Variants in DLGAP1 observed in about 807,000 individuals in gnomAD.
DLGAP1 encodes DLG associated protein 1.
A neutral mutation model predicts 90.8 loss-of-function variants in DLGAP1; 11 were observed. The ratio of observed to expected loss-of-function variants is 0.12; its 90% CI spans 0.08 to 0.20. The LOEUF is 0.20. Ranked by LOEUF, DLGAP1 falls within the 10% of genes least tolerant of loss-of-function variation. The pLI is 1.00. For synonymous variants in DLGAP1, 558 were observed against 540.7 expected, an observed-to-expected ratio of 1.03 and a Z score of -0.44; for missense variants, 1,050 against 1,333.8, an observed-to-expected ratio of 0.79 and a Z score of 3.31.
intron 4 of DLGAP1, chr18:3,874,798 C>G (rs1252639640): frequency 2.9e-6 from 4 of 1,371,998 alleles, no homozygotes; most frequent in Non-Finnish European, 3.8e-6. Context: ...TTAAAAATAA[C>G]AATATTGGAA....
In DLGAP1 at chr18:3,793,689, C is replaced by T. The variant is rs139311545; in HGVS notation, c.1172+20370G>A. Among the ~76,000 whole-genome samples, 460 of 152,240 alleles carry T rather than the reference C, an allele frequency of 3.0e-3. 3 individuals carry two copies. Among genetic ancestry groups the T allele is most frequent in the African/African-American group, 0.01 (421 of 41,524 alleles). ...TCTTTGCGCTCTCTGCTGTGGCCAC[C>T]CCTGCTCTCCTGCATGGCCTCCTGC... On this transcript the variant is annotated intron_variant, in intron 5 of 12. Coordinates refer to ENST00000315677, the MANE Select transcript of DLGAP1 (RefSeq NM_004746.4).
At chr18:3,620,162 G>A (rs2058042724) in intron 7 of DLGAP1, among the ~76,000 whole-genome samples, 2 of 152,102 alleles carry the variant, frequency 1.3e-5, no homozygotes, top group Admixed American at 1.3e-4. Flanking sequence ...CAAAGTCATC[G>A]TGAGGTCCTT....
intron 10 of DLGAP1, among the ~76,000 whole-genome samples, chr18:3,519,156 G>A (rs895594874): frequency 3.3e-5 from 5 of 152,132 alleles, no homozygotes; most frequent in African/African-American, 4.8e-5. Context: ...CATTCAATCA[G>A]AGCCTTGCTC....
chr18:3,702,633 G>A (rs2061318698), intron 7 of DLGAP1, among the ~76,000 whole-genome samples: 1 of 152,166 alleles, frequency 6.6e-6, no homozygotes, highest in Non-Finnish European at 1.5e-5. Flanking sequence ...CATCTTAGAA[G>A]TAATCAGATA....
chr18:4,167,900 A>G (rs1449853432), intron 1 of DLGAP1, among the ~76,000 whole-genome samples: 1 of 152,228 alleles, frequency 6.6e-6, no homozygotes, highest in Admixed American at 6.5e-5. Flanking sequence ...CAGAATCTGT[A>G]TGTTGAACAT....
chr18:4,050,883 T>A (rs2075124416), intron 2 of DLGAP1, among the ~76,000 whole-genome samples: 1 of 152,186 alleles, frequency 6.6e-6, no homozygotes, highest in African/African-American at 2.4e-5. Context: ...CAAAGAACAC[T>A]TAGAGATTTT....
intron 1 of DLGAP1, among the ~76,000 whole-genome samples, chr18:4,369,083 A>C (rs1407235222): frequency 6.6e-6 from 1 of 152,212 alleles, no homozygotes; most frequent in Non-Finnish European, 1.5e-5. Flanking sequence ...TCAGATAAGC[A>C]AAGATGGATC....
intron 9 of DLGAP1, among the ~76,000 whole-genome samples, chr18:3,562,539 CTTTTTTTTT>C: frequency 8.5e-6 from 1 of 118,144 alleles, no homozygotes; most frequent in African/African-American, 3.5e-5. Flanking sequence ...TCTTCTCTCC[CTTTTTTTTT>C]TTTTTTTTTT....
chr18:3,923,243 A>C (rs2072308190), intron 3 of DLGAP1, among the ~76,000 whole-genome samples: 1 of 151,610 alleles, frequency 6.6e-6, no homozygotes, highest in African/African-American at 2.4e-5. Context: ...CAGTCTTACC[A>C]GTCCTGGGTA....
At chr18:3,656,005 A>T in intron 7 of DLGAP1, 1 of 1,381,586 alleles carries the variant, frequency 7.2e-7, no homozygotes, top group Non-Finnish European at 9.8e-7. Flanking sequence ...CACCACTGCC[A>T]CAGAAGCTTT....
At chr18:3,744,763 C>T (rs1162467689) in intron 5 of DLGAP1, among the ~76,000 whole-genome samples, 3 of 152,176 alleles carry the variant, frequency 2.0e-5, no homozygotes, top group Non-Finnish European at 2.9e-5. Flanking sequence ...CCCGGCTGGT[C>T]TCAGACTCCT....
chr18:4,328,412 G>A (rs2080872625), intron 1 of DLGAP1, among the ~76,000 whole-genome samples: 1 of 151,920 alleles, frequency 6.6e-6, no homozygotes, highest in African/African-American at 2.4e-5. Flanking sequence ...GTGTTCCATT[G>A]TATCTGTATT....
In DLGAP1 at chr18:3,814,164, C is replaced by T. The variant is rs1288116547; in HGVS notation, c.1067G>A (p.Ser356Asn). The T allele has an allele frequency of 6.2e-7, 1 of 1,614,018 alleles. No homozygotes were observed. The highest frequency in any genetic ancestry group is 8.5e-7 in the Non-Finnish European group (1 of 1,180,022). Residue 356 changes from serine (S) to asparagine (N), a missense_variant, in exon 5 of 13, where the codon AGT becomes AAT. Ser to Asn is a conservative substitution (Grantham distance 46). Coordinates refer to ENST00000315677, the MANE Select transcript of DLGAP1 (RefSeq NM_004746.4). ...CTTAGGACTCGTGTCTGAGTCTCCA[C>T]TGTCTTCATCCCCCATGGCCTTGAT... ...SYIKAMGDED[S>N]GDSDTSPKPS...
intron 12 of DLGAP1, among the ~76,000 whole-genome samples, chr18:3,501,106 C>T (rs1026730098): frequency 2.6e-5 from 4 of 151,644 alleles, no homozygotes; most frequent in African/African-American, 9.7e-5. Context: ...GTAGAGACGG[C>T]GTTTCACCAT....
chr18:3,996,433 G>C (rs2074071756), intron 3 of DLGAP1, among the ~76,000 whole-genome samples: 1 of 151,902 alleles, frequency 6.6e-6, no homozygotes, highest in Non-Finnish European at 1.5e-5. Flanking sequence ...TTAGGTATCT[G>C]AATCTATTTT....
chr18:4,066,725 G>C (rs962815347), intron 2 of DLGAP1, among the ~76,000 whole-genome samples: 1 of 152,078 alleles, frequency 6.6e-6, no homozygotes, highest in South Asian at 2.1e-4. Context: ...TACACTGTTG[G>C]GGGGGTGTAA....
intron 3 of DLGAP1, among the ~76,000 whole-genome samples, chr18:3,902,514 C>T (rs1267718203): frequency 2.0e-5 from 3 of 152,024 alleles, no homozygotes; most frequent in Admixed American, 2.0e-4. Flanking sequence ...TCTCTTCCAT[C>T]TTCTCTCTTC....
chr18:4,377,182 A>G (rs2082031143), intron 1 of DLGAP1, among the ~76,000 whole-genome samples: 1 of 152,130 alleles, frequency 6.6e-6, no homozygotes, highest in African/African-American at 2.4e-5. Context: ...CATAATGGCT[A>G]CATTTGTGGA....
chr18:4,018,648 T>C (rs2074560132), intron 2 of DLGAP1, among the ~76,000 whole-genome samples: 1 of 152,250 alleles, frequency 6.6e-6, no homozygotes, highest in Non-Finnish European at 1.5e-5. Flanking sequence ...GAGTGGTTAT[T>C]AGGATGGAAG....
Sources: gnomAD v4.1 joint callset for allele counts (sites outside exome capture counted in the v4.1 genomes callset) on GRCh38, gnomAD v4.1.1 for gene constraint, MANE v1.5 for transcripts, NCBI Gene and HGNC (gene_info 2026-07-23, HGNC 2026-07-21) for gene names.